Variants in DPYD observed in about 807,000 individuals in gnomAD.
The protein encoded by DPYD is dihydropyrimidine dehydrogenase, also known as dihydropyrimidine dehydrogenase [NADP(+)].
In DPYD, 109 loss-of-function variants were observed where a neutral mutation model predicts 116.2. The ratio of observed to expected loss-of-function variants is 0.94; its 90% CI spans 0.80 to 1.10. DPYD has a LOEUF of 1.10. Ranked by LOEUF, DPYD falls within the 50% of genes least tolerant of loss-of-function variation. DPYD has a pLI of 0.00. For synonymous variants in DPYD, 440 were observed against 432.0 expected, an observed-to-expected ratio of 1.02 and a Z score of -0.23; for missense variants, 1,302 against 1,254.5, an observed-to-expected ratio of 1.04 and a Z score of -0.57.
rs114686959 is a variant in DPYD, at chr1:97,663,373, T to G, written c.850+15722A>C. Among the ~76,000 whole-genome samples, 708 of 152,314 alleles carry G rather than the reference T, an allele frequency of 4.6e-3. 2 individuals carry two copies. Among genetic ancestry groups the G allele is most frequent in the Non-Finnish European group, 6.4e-3 (438 of 68,016 alleles). On this transcript the variant is annotated intron_variant, in intron 8 of 22. Transcript: ENST00000370192. ...TGAAAACATCCCGACTTGTACCTAT[T>G]TCTTAGATCTTTACCCTGCCTTCTC...
intron 18 of DPYD, among the ~76,000 whole-genome samples, chr1:97,267,921 T>C (rs1236680602): frequency 1.3e-5 from 2 of 152,212 alleles, no homozygotes; most frequent in African/African-American, 4.8e-5. Context: ...AAGTCAGATA[T>C]GGGGGAAACC....
chr1:97,597,780 A>G (rs1323499525), intron 8 of DPYD, among the ~76,000 whole-genome samples: 1 of 152,118 alleles, frequency 6.6e-6, no homozygotes, highest in Non-Finnish European at 1.5e-5. Context: ...AAGGAGTTGG[A>G]CTTACCAGCT....
chr1:97,127,747 G>A (rs75403533), intron 20 of DPYD, among the ~76,000 whole-genome samples: 392 of 152,150 alleles, frequency 2.6e-3, no homozygotes, highest in Non-Finnish European at 4.1e-3. Flanking sequence ...TGAGACCTTT[G>A]ACATCAACAT....
chr1:97,116,839 T>C (rs1652002179), intron 20 of DPYD, among the ~76,000 whole-genome samples: 1 of 151,954 alleles, frequency 6.6e-6, no homozygotes, highest in African/African-American at 2.4e-5. Context: ...TCTTTAGATA[T>C]CTACCTCAGA....
At chr1:97,772,046 A>G (rs1376471623) in intron 3 of DPYD, among the ~76,000 whole-genome samples, 1 of 152,216 alleles carries the variant, frequency 6.6e-6, no homozygotes, top group Non-Finnish European at 1.5e-5. Flanking sequence ...TACAAAAATA[A>G]AAGATAAATC....
chr1:97,526,446 G>A lies in DPYD; in HGVS notation c.1525-10505C>T, dbSNP rs1331095187. On this transcript the variant is annotated intron_variant, in intron 12 of 22. Coordinates refer to ENST00000370192, the MANE Select transcript of DPYD (RefSeq NM_000110.4). The stretch of plus-strand genomic sequence containing the variant: ...AGAGTTTTAAAAATTATGATGTCCA[G>A]GCCAGGTACCTTCCTACTAATTATA... Among the ~76,000 whole-genome samples, 3 of 152,102 alleles carry A rather than the reference G, an allele frequency of 2.0e-5. No individual in the cohort carries two copies. The East Asian group carries it at 5.8e-4, about 29-fold the overall frequency.
chr1:97,553,771 G>C (rs1431693829), intron 11 of DPYD, among the ~76,000 whole-genome samples: 1 of 151,956 alleles, frequency 6.6e-6, no homozygotes, highest in African/African-American at 2.4e-5. Context: ...TATGTCCCAG[G>C]AGCTCCATAG....
At chr1:97,402,078 C>T (rs1053610565) in intron 14 of DPYD, among the ~76,000 whole-genome samples, 4 of 152,082 alleles carry the variant, frequency 2.6e-5, no homozygotes, top group Non-Finnish European at 1.5e-5. Flanking sequence ...CTTTGTTCTT[C>T]TCCTTCAATA....
At chr1:97,519,817 T>C (rs964107303) in intron 12 of DPYD, among the ~76,000 whole-genome samples, 13 of 152,138 alleles carry the variant, frequency 8.5e-5, no homozygotes, top group African/African-American at 3.1e-4. Context: ...CAAAATACTT[T>C]GTGCCTCCCT....
intron 16 of DPYD, among the ~76,000 whole-genome samples, chr1:97,319,610 A>G (rs1668107898): frequency 7.6e-6 from 1 of 131,726 alleles, no homozygotes; most frequent in African/African-American, 3.0e-5. Flanking sequence ...AACCAAAAAG[A>G]GTCCAGGACC....
chr1:97,427,782 A>C (rs916835926), intron 14 of DPYD, among the ~76,000 whole-genome samples: 2 of 151,966 alleles, frequency 1.3e-5, no homozygotes, highest in Admixed American at 6.6e-5. Context: ...CCCTTTGCCC[A>C]CTCAGCCAAC....
intron 14 of DPYD, among the ~76,000 whole-genome samples, chr1:97,410,930 GATTTGAAGGACCCATAGAGGGCCACT>G (rs1673955027): frequency 6.6e-6 from 1 of 152,074 alleles, no homozygotes; most frequent in Non-Finnish European, 1.5e-5. Context: ...GTGCCTCTCT[GATTTGAAGGACCCATAGAGGGCCACT>G]ATTGCAAACA....
chr1:97,096,157 C>T (rs1408423001), intron 21 of DPYD, among the ~76,000 whole-genome samples: 2 of 152,102 alleles, frequency 1.3e-5, no homozygotes, highest in Non-Finnish European at 1.5e-5. Flanking sequence ...TATCTACATC[C>T]AAGACTTCAC....
intron 11 of DPYD, among the ~76,000 whole-genome samples, chr1:97,555,720 C>T (rs577865751): frequency 3.9e-5 from 6 of 152,162 alleles, no homozygotes; most frequent in South Asian, 4.1e-4. Context: ...TCTATACCTT[C>T]GCTCTCTCTC....
At chr1:97,280,505 C>T (rs1665251799) in intron 18 of DPYD, among the ~76,000 whole-genome samples, 1 of 152,044 alleles carries the variant, frequency 6.6e-6, no homozygotes, top group Admixed American at 6.6e-5. Flanking sequence ...AAATGGCCAT[C>T]TATAGATAAA....
chr1:97,710,378 C>T (rs1662215425), intron 5 of DPYD, among the ~76,000 whole-genome samples: 1 of 151,818 alleles, frequency 6.6e-6, no homozygotes, highest in Non-Finnish European at 1.5e-5. Context: ...CTAATCACTG[C>T]ATTCATTCTT....
chr1:97,644,041 C>T (rs1034846788), intron 8 of DPYD, among the ~76,000 whole-genome samples: 1 of 151,868 alleles, frequency 6.6e-6, no homozygotes, highest in Admixed American at 6.6e-5. Context: ...ATGTAACAAA[C>T]CTGCACGTTC....
chr1:97,446,563 T>G (rs1340479598), intron 14 of DPYD, among the ~76,000 whole-genome samples: 1 of 152,178 alleles, frequency 6.6e-6, no homozygotes, highest in African/African-American at 2.4e-5. Context: ...ATATCAATTG[T>G]TCTTCCTTAT....
intron 3 of DPYD, among the ~76,000 whole-genome samples, chr1:97,821,286 G>A (rs1341984472): frequency 1.5e-5 from 2 of 134,560 alleles, no homozygotes; most frequent in African/African-American, 5.7e-5. Context: ...AGCCGAGACC[G>A]CAACAATGCA....
Sources: allele counts gnomAD v4.1 joint callset (sites outside exome capture counted in the v4.1 genomes callset), GRCh38; gene constraint gnomAD v4.1.1; transcripts MANE v1.5; gene names NCBI Gene and HGNC (gene_info 2026-07-23, HGNC 2026-07-21).